Variants in MROH2A observed in about 807,000 individuals in gnomAD.
MROH2A encodes maestro heat like repeat family member 2A.
In MROH2A, 174 loss-of-function variants were observed where a neutral mutation model predicts 200.4. That is an observed-to-expected ratio of 0.87 (90% CI 0.77 to 0.98). MROH2A has a LOEUF of 0.98. Ranked by LOEUF, MROH2A falls within the 50% of genes least tolerant of loss-of-function variation. The pLI is 0.00. For synonymous variants in MROH2A, 829 were observed against 840.4 expected (o/e 0.99, Z 0.23); for missense variants, 2,045 against 2,139.6 (o/e 0.96, Z 0.87).
In MROH2A at chr2:233,795,939, T is replaced by C. The variant is rs1212694341; in HGVS notation, c.1060-28T>C. 11 of 1,548,976 alleles carry C rather than the reference T, an allele frequency of 7.1e-6. No individual in the cohort carries two copies. The South Asian group carries it at 1.2e-4, about 17-fold the overall frequency. On this transcript the variant is annotated intron_variant, in intron 9 of 41. Coordinates refer to ENST00000389758, the MANE Select transcript of MROH2A (RefSeq NM_001394639.1). ...CTGCACCTGTGTCCCTGTGATCTCC[T>C]CCAGCCTCACTGCACGTCCCTCACC...
At chr2:233,816,341 C>G (rs546212026) in intron 26 of MROH2A, among the ~76,000 whole-genome samples, 1 of 152,056 alleles carries the variant, frequency 6.6e-6, no homozygotes, top group Admixed American at 6.6e-5. Context: ...TCATTTTTTG[C>G]TTCATGTATT....
At chr2:233,808,689 C>G (rs917290718) in intron 21 of MROH2A, among the ~76,000 whole-genome samples, 1 of 152,190 alleles carries the variant, frequency 6.6e-6, no homozygotes, top group Non-Finnish European at 1.5e-5. Flanking sequence ...AGAGATTGTT[C>G]TGAGGGTGTG....
In MROH2A at chr2:233,829,058, A is replaced by T. The variant is rs960904483; in HGVS notation, c.4432A>T (p.Ile1478Phe). ...SFDAMSEQCRIFFDNESELLR... is the reference protein window; with the variant it reads ...SFDAMSEQCRFFFDNESELLR... ...CGACGCCATGTCTGAGCAGTGCAGG[A>T]TCTTCTTCGACAACGTGAGTCCGAT... Residue 1478 changes from isoleucine to phenylalanine, a missense_variant, in exon 37 of 42, where the codon ATC becomes TTC. Ile to Phe is a conservative substitution (Grantham distance 21, BLOSUM62 0). Around this residue, in one of 3 missense-constraint regions of MROH2A, gnomAD observed 1,201 missense variants for 1,311.3 expected, o/e 0.92. Transcript: ENST00000389758. 2.0e-6 allele frequency: 3 copies of T among 1,524,440 alleles called. No homozygotes were observed. Among genetic ancestry groups the T allele is most frequent in the Non-Finnish European group, 1.8e-6 (2 of 1,132,826 alleles). The allele number at this position is 1,524,440 out of a possible 1,614,324, so 94.4% of individuals were successfully genotyped here. A position where few individuals can be genotyped will look rare whatever the true frequency, so the allele number is the denominator to read the frequency against.
At chr2:233,808,884 T>A (rs1215746299) in intron 21 of MROH2A, among the ~76,000 whole-genome samples, 1 of 152,234 alleles carries the variant, frequency 6.6e-6, no homozygotes, top group East Asian at 1.9e-4. Flanking sequence ...ATAGCCCTAG[T>A]CTGTCTTGCT....
Position 233,793,695 on chromosome 2 carries a change from G to A in MROH2A, c.693G>A (p.Thr231=), listed in dbSNP as rs955434510. The change falls in exon 7 of 42, where the codon ACG becomes ACA. Residue 231 remains threonine, a synonymous_variant. Transcript: ENST00000389758. ...TAGCCATGGAGACCTTCTGTGAGAC[G>A]GTGCAGTTTTATCTGAAGCACCTGG... ...ICSAMETFCE[T]VQFYLKHLEE... is the part of the protein sequence containing the mutation. 2.4e-5 allele frequency: 34 copies of A among 1,435,642 alleles called. No homozygotes were observed. In the African/African-American group the frequency reaches 4.0e-4, roughly 17 times the overall value. The allele number at this position is 1,435,642 out of a possible 1,614,324, so 88.9% of individuals were successfully genotyped here.
At chr2:233,808,936 G>A (rs1197275618) in intron 21 of MROH2A, among the ~76,000 whole-genome samples, 190 bp from the exon 22 acceptor site, 1 of 152,218 alleles carries the variant, frequency 6.6e-6, no homozygotes, top group African/African-American at 2.4e-5. Context: ...TAGATGCTCA[G>A]TAAAGATGCA....
At chr2:233,819,757 G>A (rs1703806325) in intron 30 of MROH2A, 145 bp from the exon 31 acceptor site, 2 of 904,140 alleles carry the variant, frequency 2.2e-6, no homozygotes, top group African/African-American at 3.4e-5. Context: ...AGAGACCAGA[G>A]GATGCACTAG....
At chr2:233,827,082 G>T (rs1393551184) in intron 35 of MROH2A, among the ~76,000 whole-genome samples, 1 of 152,214 alleles carries the variant, frequency 6.6e-6, no homozygotes, top group Non-Finnish European at 1.5e-5. Flanking sequence ...ACAGATGCTG[G>T]CAAGGTTGCA....
In MROH2A at chr2:233,821,279, C is replaced by T. The variant is rs944686983; in HGVS notation, c.3513-845C>T. Reference sequence around the variant, plus strand: ...TGTCATTGTTCGTAGTTGCTTCTTGCCATTGTAGGACTGAGGTGCCCCTTC... The same window carrying T: ...TGTCATTGTTCGTAGTTGCTTCTTGTCATTGTAGGACTGAGGTGCCCCTTC... On this transcript the variant is annotated intron_variant, in intron 31 of 41. Transcript: ENST00000389758. Among the ~76,000 whole-genome samples, 6 of 152,128 alleles carry T rather than the reference C, an allele frequency of 3.9e-5. No individual in the cohort carries two copies. The East Asian group carries it at 7.7e-4, about 20-fold the overall frequency.
At chr2:233,793,266 T>C (rs529687228) in intron 6 of MROH2A, among the ~76,000 whole-genome samples, 31 of 152,284 alleles carry the variant, frequency 2.0e-4, no homozygotes, top group African/African-American at 6.7e-4. Flanking sequence ...TGGTCTTAGA[T>C]GCTATTTCAA....
intron 27 of MROH2A, 87 bp downstream of exon 27, chr2:233,816,972 T>G: frequency 1.2e-6 from 1 of 825,148 alleles, no homozygotes; most frequent in East Asian, 2.7e-5. Context: ...GAGGGAACAC[T>G]TATGAAATCA....
upstream of MROH2A, among the ~76,000 whole-genome samples, chr2:233,776,436 A>C (rs2126072371): frequency 6.7e-6 from 1 of 149,308 alleles, no homozygotes. Flanking sequence ...GCTCACTGCA[A>C]CCTCCGCCTC....
chr2:233,831,108 C>T (rs947392567), intron 38 of MROH2A, among the ~76,000 whole-genome samples: 3 of 152,204 alleles, frequency 2.0e-5, no homozygotes, highest in Non-Finnish European at 2.9e-5. Flanking sequence ...GCCCGGCTCC[C>T]GCCTCTGATC....
At position 233,807,717 on chromosome 2, in the gene MROH2A, C is replaced by T. The variant is rs1043474727; in HGVS notation, c.2173-16C>T. 5 of 1,550,550 alleles carry T rather than the reference C, an allele frequency of 3.2e-6. No homozygotes were observed. In the African/African-American group the frequency reaches 4.1e-5, roughly 13 times the overall value. On this transcript the variant is annotated splice_polypyrimidine_tract_variant and intron_variant, in intron 20 of 41. Coordinates refer to ENST00000389758, the MANE Select transcript of MROH2A (RefSeq NM_001394639.1). This position sits in a 1 kb window ranked among gnomAD's most constrained non-coding sequence, Gnocchi z 4.3. Reference sequence around the variant, plus strand: ...TGGCCCCTGCCCTCACCCTGGCTGGCTGGGTCTCCCTGCAGGGTGTGATTA... The same window carrying T: ...TGGCCCCTGCCCTCACCCTGGCTGGTTGGGTCTCCCTGCAGGGTGTGATTA...
intron 21 of MROH2A, among the ~76,000 whole-genome samples, chr2:233,808,749 C>G (rs1288763843): frequency 6.6e-6 from 1 of 152,186 alleles, no homozygotes; most frequent in Non-Finnish European, 1.5e-5. Flanking sequence ...GGCTCTCCAG[C>G]CTCATGTGTG....
chr2:233,828,129 C>T lies in MROH2A; in HGVS notation c.4114-501C>T, dbSNP rs1559484480. Among the ~76,000 whole-genome samples, 1 of 152,150 alleles carries T rather than the reference C, an allele frequency of 6.6e-6. No homozygotes were observed. Among genetic ancestry groups the T allele is most frequent in the Non-Finnish European group, 1.5e-5 (1 of 68,018 alleles). ...GATGCTCATTTCTCCTGTCCCTGGA[C>T]TCACCAATTTGGTGTTTAGTTTTCA... On this transcript the variant is annotated intron_variant, in intron 35 of 41. Coordinates refer to ENST00000389758, the MANE Select transcript of MROH2A (RefSeq NM_001394639.1). The surrounding 1 kb of genome is among the most constrained non-coding windows in gnomAD (Gnocchi z 4.6).
chr2:233,789,772 G>A, intron 4 of MROH2A, 80 bp from the exon 5 acceptor site: 1 of 1,492,306 alleles, frequency 6.7e-7, no homozygotes, highest in Non-Finnish European at 9.0e-7. Flanking sequence ...CAGGAGGGGT[G>A]GAGAGAGCCT....
At chr2:233,822,001 C>G in intron 31 of MROH2A, 123 bp from the exon 32 acceptor site, 1 of 1,240,438 alleles carries the variant, frequency 8.1e-7, no homozygotes, top group Non-Finnish European at 1.1e-6. Context: ...CCTCCGCCTC[C>G]CTGAGATTCA....
chr2:233,809,849 C>T (rs974622984), intron 22 of MROH2A, among the ~76,000 whole-genome samples: 4 of 152,072 alleles, frequency 2.6e-5, no homozygotes, highest in African/African-American at 7.2e-5. Context: ...CCATCTGTCT[C>T]CAGAATTCTT....
Sources: gnomAD v4.1 joint callset for allele counts (sites outside exome capture counted in the v4.1 genomes callset) on GRCh38, gnomAD v4.1.1 for gene constraint, gnomAD v4.1.1 regional missense constraint, Gnocchi (gnomAD v3.1) non-coding constraint, MANE v1.5 for transcripts, NCBI Gene and HGNC (gene_info 2026-07-23, HGNC 2026-07-21) for gene names.